Variants in FGF12 observed in about 807,000 individuals in gnomAD.
FGF12 encodes fibroblast growth factor 12, also known as fibroblast growth factor 12B.
Under a neutral mutation model 23.6 loss-of-function variants are expected in FGF12, and 14 were observed. That is an observed-to-expected ratio of 0.59 (90% CI 0.39 to 0.93). The LOEUF is 0.93. Ranked by LOEUF, FGF12 falls within the 40% of genes least tolerant of loss-of-function variation. FGF12 has a pLI of 0.00. For missense variants in FGF12, 175 were observed against 217.8 expected, an observed-to-expected ratio of 0.80 and a Z score of 1.24; for synonymous variants, 62 against 77.3, an observed-to-expected ratio of 0.80 and a Z score of 1.04.
intron 2 of FGF12, among the ~76,000 whole-genome samples, chr3:192,418,074 G>T (rs1487105360): frequency 6.6e-6 from 1 of 152,022 alleles, no homozygotes; most frequent in African/African-American, 2.4e-5. Context: ...TGGAGTTGTG[G>T]ACTCCAAAGA....
chr3:192,381,987 C>T (rs1426487134), intron 2 of FGF12, among the ~76,000 whole-genome samples: 1 of 151,222 alleles, frequency 6.6e-6, no homozygotes, highest in Non-Finnish European at 1.5e-5. Context: ...TGTAGACTAG[C>T]ATAACACTTT....
chr3:192,350,946 T>C (rs2108722097), intron 3 of FGF12, among the ~76,000 whole-genome samples: 1 of 152,020 alleles, frequency 6.6e-6, no homozygotes, highest in Admixed American at 6.5e-5. Flanking sequence ...ATTGCAAGAG[T>C]CCATACAAAG....
At chr3:192,283,725 T>C (rs1193169941) in intron 4 of FGF12, among the ~76,000 whole-genome samples, 1 of 152,066 alleles carries the variant, frequency 6.6e-6, no homozygotes, top group Middle Eastern at 3.2e-3. Flanking sequence ...CTTGATGCAC[T>C]GGGCCATGTA....
chr3:192,528,754 G>C (rs1160569353), intron 2 of FGF12, among the ~76,000 whole-genome samples: 1 of 152,152 alleles, frequency 6.6e-6, no homozygotes, highest in Non-Finnish European at 1.5e-5. Flanking sequence ...TCTGTGCACT[G>C]GCAGGCTGAA....
intron 2 of FGF12, among the ~76,000 whole-genome samples, chr3:192,463,156 T>C (rs1234048538): frequency 2.0e-5 from 3 of 152,162 alleles, no homozygotes; most frequent in Non-Finnish European, 4.4e-5. Flanking sequence ...CGGTGGCTCA[T>C]GCCTATAATC....
intron 4 of FGF12, among the ~76,000 whole-genome samples, chr3:192,306,154 T>C (rs969149932): frequency 6.6e-6 from 1 of 152,180 alleles, no homozygotes. Context: ...AATATGAAAA[T>C]TTTAAATTTT....
At chr3:192,511,808 T>C (rs2108839899) in intron 2 of FGF12, among the ~76,000 whole-genome samples, 1 of 152,260 alleles carries the variant, frequency 6.6e-6, no homozygotes, top group East Asian at 1.9e-4. Context: ...TTTGATAGCT[T>C]ATACCCATCC....
intron 4 of FGF12, among the ~76,000 whole-genome samples, chr3:192,327,935 C>T (rs761058225): frequency 6.6e-6 from 1 of 152,168 alleles, no homozygotes; most frequent in Admixed American, 6.5e-5. Context: ...TTTTTAAGTG[C>T]TATTCTCCTA....
chr3:192,316,139 C>T (rs1716218273), intron 4 of FGF12, among the ~76,000 whole-genome samples: 1 of 152,030 alleles, frequency 6.6e-6, no homozygotes, highest in South Asian at 2.1e-4. Flanking sequence ...GTTAGAGTCC[C>T]TTTATCTTTT....
chr3:192,525,604 AC>A (rs996888401), intron 2 of FGF12, among the ~76,000 whole-genome samples: 4 of 152,126 alleles, frequency 2.6e-5, no homozygotes, highest in African/African-American at 9.7e-5. Flanking sequence ...CAAAATAATC[AC>A]CCCAAAACTT....
Position 192,514,899 on chromosome 3 carries a change from G to A in FGF12, c.14-154361C>T. 1 of 984,940 alleles carries A rather than the reference G, an allele frequency of 1.0e-6. No individual in the cohort carries two copies. The highest frequency in any genetic ancestry group is 1.2e-6 in the Non-Finnish European group (1 of 829,584). 61.0% of individuals were successfully genotyped at this position (984,940 alleles called of 1,614,324 possible). A position where few individuals can be genotyped will look rare whatever the true frequency, so the allele number is the denominator to read the frequency against. ...AGGGGAGTTTGCACATGGAGCCGGA[G>A]GGAGCCCGGGCGCCGGCAGGGGGCG... On this transcript the variant is annotated intron_variant, in intron 2 of 5. Transcript: ENST00000445105. This position sits in a 1 kb window ranked among gnomAD's most constrained non-coding sequence, Gnocchi z 4.9.
At chr3:192,581,764 T>G (rs754772500) in intron 2 of FGF12, among the ~76,000 whole-genome samples, 1 of 152,178 alleles carries the variant, frequency 6.6e-6, no homozygotes, top group Non-Finnish European at 1.5e-5. Context: ...CTAAATACAC[T>G]GTAATTCAAA....
intron 4 of FGF12, among the ~76,000 whole-genome samples, chr3:192,286,329 T>A (rs911980182): frequency 6.6e-6 from 1 of 152,010 alleles, no homozygotes; most frequent in Non-Finnish European, 1.5e-5. Flanking sequence ...CAAATATGCA[T>A]CCATGGTAGA....
At chr3:192,380,636 A>C (rs1406364469) in intron 2 of FGF12, among the ~76,000 whole-genome samples, 1 of 152,204 alleles carries the variant, frequency 6.6e-6, no homozygotes, top group South Asian at 2.1e-4. Flanking sequence ...CAAGATAGTA[A>C]GGCAAAATCA....
chr3:192,685,527 G>A (rs1717700096), intron 2 of FGF12, among the ~76,000 whole-genome samples: 1 of 152,158 alleles, frequency 6.6e-6, no homozygotes, highest in Non-Finnish European at 1.5e-5. Context: ...AACTGAGAGG[G>A]AGACAAAAAT....
chr3:192,551,577 A>G (rs1366064038), intron 2 of FGF12, among the ~76,000 whole-genome samples: 1 of 152,244 alleles, frequency 6.6e-6, no homozygotes, highest in Non-Finnish European at 1.5e-5. Context: ...CAACAAAAGC[A>G]TTCGGTCGAG....
chr3:192,219,967 C>T (rs1014832720), intron 4 of FGF12, among the ~76,000 whole-genome samples: 4 of 152,174 alleles, frequency 2.6e-5, no homozygotes, highest in African/African-American at 2.4e-5. Context: ...AGACACCAAC[C>T]AAGCTTCAGG....
In FGF12 at chr3:192,172,904, G is replaced by A. The variant is rs966993255; in HGVS notation, c.229-2248C>T. On this transcript the variant is annotated intron_variant, in intron 4 of 5. Coordinates refer to ENST00000445105, the MANE Select transcript of FGF12 (RefSeq NM_004113.6). Reference sequence around the variant, plus strand: ...CCCAAACATCTATCAAGTGATGAATGGATAAATACAGTGTGATAGTTCTAC... The same window carrying A: ...CCCAAACATCTATCAAGTGATGAATAGATAAATACAGTGTGATAGTTCTAC... 5.3e-5 allele frequency among the ~76,000 whole-genome samples: 8 copies of A among 150,980 alleles called. 1 individual carries two copies. The highest frequency in any genetic ancestry group is 1.9e-4 in the African/African-American group (8 of 41,290).
chr3:192,145,069 T>C (rs73887244), intron 5 of FGF12, among the ~76,000 whole-genome samples: 2,034 of 152,322 alleles, frequency 0.013, 33 homozygotes, highest in African/African-American at 0.044. Context: ...CAACATCAAA[T>C]AGCTTCCTCC....
Sources: allele counts gnomAD v4.1 joint callset (sites outside exome capture counted in the v4.1 genomes callset), GRCh38; gene constraint gnomAD v4.1.1; non-coding constraint Gnocchi (gnomAD v3.1); transcripts MANE v1.5; gene names NCBI Gene and HGNC (gene_info 2026-07-23, HGNC 2026-07-21).